Variants in TMEM178B observed in about 807,000 individuals in gnomAD.
TMEM178B encodes the protein transmembrane protein 178B.
TMEM178B carries 5 observed loss-of-function variants against 31.0 expected under a neutral mutation model. The observed-to-expected ratio is 0.16, with a 90% CI of 0.08 to 0.34. The LOEUF is 0.34. Ranked by LOEUF, TMEM178B falls within the 10% of genes least tolerant of loss-of-function variation. TMEM178B has a pLI of 1.00. For synonymous variants in TMEM178B, 164 were observed against 164.0 expected, an observed-to-expected ratio of 1.00 and a Z score of 0.00; for missense variants, 275 against 400.3, an observed-to-expected ratio of 0.69 and a Z score of 2.67.
chr7:141,116,420 AT>A (rs2129175792), intron 1 of TMEM178B, among the ~76,000 whole-genome samples: 1 of 152,280 alleles, frequency 6.6e-6, no homozygotes, highest in South Asian at 2.1e-4. Flanking sequence ...CTAGATTCAA[AT>A]GTTTAGTTCA....
At chr7:141,423,349 C>T (rs1396550851) in intron 2 of TMEM178B, among the ~76,000 whole-genome samples, 1 of 152,120 alleles carries the variant, frequency 6.6e-6, no homozygotes, top group African/African-American at 2.4e-5. Flanking sequence ...TTTATTTAAT[C>T]CAATATATCT....
chr7:141,193,703 A>G (rs1796733882), intron 1 of TMEM178B, among the ~76,000 whole-genome samples: 2 of 152,126 alleles, frequency 1.3e-5, no homozygotes, highest in Admixed American at 6.5e-5. Flanking sequence ...CACCCTACCC[A>G]TGTCTGCAGC....
intron 2 of TMEM178B, among the ~76,000 whole-genome samples, chr7:141,369,794 G>T (rs1800080267): frequency 6.6e-6 from 1 of 152,104 alleles, no homozygotes; most frequent in Non-Finnish European, 1.5e-5. Context: ...TAGCCACAAT[G>T]ACTTTTTCAA....
At chr7:141,370,890 T>A (rs1323403375) in intron 2 of TMEM178B, among the ~76,000 whole-genome samples, 2 of 152,370 alleles carry the variant, frequency 1.3e-5, no homozygotes, top group Admixed American at 6.5e-5. Context: ...AGAAGCCCGA[T>A]GTTGTCTGCA....
chr7:141,132,337 T>C (rs943624842), intron 1 of TMEM178B, among the ~76,000 whole-genome samples: 1 of 152,224 alleles, frequency 6.6e-6, no homozygotes, highest in Non-Finnish European at 1.5e-5. Flanking sequence ...ATGATCATTA[T>C]ATTCCCAGCT....
chr7:141,198,435 T>A (rs987121849), intron 1 of TMEM178B, among the ~76,000 whole-genome samples: 1 of 152,258 alleles, frequency 6.6e-6, no homozygotes, highest in Non-Finnish European at 1.5e-5. Context: ...ATCATTTTAC[T>A]TTTCTCTGAA....
chr7:141,184,029 T>C (rs1324623123), intron 1 of TMEM178B, among the ~76,000 whole-genome samples: 2 of 152,210 alleles, frequency 1.3e-5, no homozygotes, highest in Non-Finnish European at 1.5e-5. Flanking sequence ...TGGGTTTTTA[T>C]TAAAGGAGAG....
intron 3 of TMEM178B, 84 bp downstream of exon 3, chr7:141,437,829 C>T: frequency 6.7e-7 from 1 of 1,500,800 alleles, no homozygotes; most frequent in Non-Finnish European, 8.9e-7. Context: ...GAGGGCACAG[C>T]AGAGGGGACC....
chr7:141,413,781 T>G lies in TMEM178B; in HGVS notation c.497-23827T>G, dbSNP rs150052166. Among the ~76,000 whole-genome samples, 227 of 152,350 alleles carry G rather than the reference T, an allele frequency of 1.5e-3. 1 individual carries two copies. The highest frequency in any genetic ancestry group is 5.0e-3 in the African/African-American group (209 of 41,586). The stretch of plus-strand genomic sequence containing the variant: ...GCTCAAGGACATTTGTTTGTTTCTG[T>G]GTTTGTTCTTAAATAATGTTTTAAG... On this transcript the variant is annotated intron_variant, in intron 2 of 3. Coordinates refer to ENST00000565468, the MANE Select transcript of TMEM178B (RefSeq NM_001195278.2).
chr7:141,138,892 G>C lies in TMEM178B; in HGVS notation c.382+64200G>C, dbSNP rs1023884613. Among the ~76,000 whole-genome samples the C allele has an allele frequency of 2.0e-4, 30 of 152,122 alleles. 1 individual carries two copies. Among genetic ancestry groups the C allele is most frequent in the Middle Eastern group, 3.4e-3 (1 of 294 alleles). ...CCAGCTACTCGGGAGGCTGAGGCAG[G>C]AGAATGGTGTGAACCCGGGAGGCAG... On this transcript the variant is annotated intron_variant, in intron 1 of 3. Transcript: ENST00000565468.
chr7:141,505,920 CTG>C, the TMEM178B span, among the ~76,000 whole-genome samples: 14 of 152,320 alleles, frequency 9.2e-5, no homozygotes, highest in Non-Finnish European at 1.8e-4. Flanking sequence ...CCCACAATGG[CTG>C]TGTCAGCTTC....
At chr7:141,414,913 T>C (rs1801069527) in intron 2 of TMEM178B, 1 of 152,204 alleles carries the variant, frequency 6.6e-6, no homozygotes, top group African/African-American at 2.4e-5. Context: ...ATCATTTCCA[T>C]GTCATTAGAA....
intron 2 of TMEM178B, among the ~76,000 whole-genome samples, chr7:141,332,176 C>T (rs1052712682): frequency 6.6e-6 from 1 of 152,256 alleles, no homozygotes; most frequent in African/African-American, 2.4e-5. Flanking sequence ...CTCTTCCAAA[C>T]TTTCATGCAT....
intron 1 of TMEM178B, among the ~76,000 whole-genome samples, chr7:141,140,712 C>T (rs111325242): frequency 0.047 from 7,109 of 152,154 alleles, 569 homozygotes; most frequent in African/African-American, 0.16. Context: ...GTGACTTTGA[C>T]GGTTTTGAGG....
At chr7:141,487,923 T>C in the TMEM178B span, among the ~76,000 whole-genome samples, 1 of 152,100 alleles carries the variant, frequency 6.6e-6, no homozygotes, top group African/African-American at 2.4e-5. Flanking sequence ...TCTTTGGAGT[T>C]AGTTCTCTTA....
intron 2 of TMEM178B, among the ~76,000 whole-genome samples, chr7:141,429,308 TACACACACACACAC>T (rs3039921): frequency 0.23 from 34,315 of 149,684 alleles, 4,318 homozygotes; most frequent in African/African-American, 0.33. Flanking sequence ...GAAAATGTAA[TACACACACACACAC>T]ACACACACAC....
intron 1 of TMEM178B, among the ~76,000 whole-genome samples, chr7:141,188,489 G>T (rs928679509): frequency 2.0e-5 from 3 of 152,206 alleles, no homozygotes; most frequent in African/African-American, 7.2e-5. Context: ...GATGTAGGAC[G>T]AAACTGAGTC....
chr7:141,131,603 A>C (rs548080963), intron 1 of TMEM178B, among the ~76,000 whole-genome samples: 2 of 152,096 alleles, frequency 1.3e-5, no homozygotes, highest in African/African-American at 4.8e-5. Context: ...TCTTTTACCT[A>C]TCATAGGGTT....
intron 1 of TMEM178B, among the ~76,000 whole-genome samples, chr7:141,102,616 A>G (rs937707421): frequency 6.6e-6 from 1 of 152,172 alleles, no homozygotes; most frequent in Non-Finnish European, 1.5e-5. Flanking sequence ...GGCATAGAAA[A>G]TGCTTATGGG....
Sources: allele counts gnomAD v4.1 joint callset (sites outside exome capture counted in the v4.1 genomes callset), GRCh38; gene constraint gnomAD v4.1.1; transcripts MANE v1.5; gene names NCBI Gene and HGNC (gene_info 2026-07-23, HGNC 2026-07-21).